The following SMG6 variants were observed in gnomAD, a reference collection of about 807,000 sequenced individuals.
SMG6 encodes the protein SMG6 nonsense mediated mRNA decay factor.
A neutral mutation model predicts 142.2 loss-of-function variants in SMG6; 66 were observed. The observed-to-expected ratio is 0.46, with a 90% CI of 0.38 to 0.57. The LOEUF (loss-of-function observed/expected upper bound fraction) is 0.57. Ranked by LOEUF, SMG6 falls within the 20% of genes least tolerant of loss-of-function variation. The pLI is 0.00. For synonymous variants in SMG6, 779 were observed against 702.4 expected, an observed-to-expected ratio of 1.11 and a Z score of -1.72; for missense variants, 1,793 against 1,832.0, an observed-to-expected ratio of 0.98 and a Z score of 0.39.
At chr17:2,233,123 C>A (rs1035275053) in intron 10 of SMG6, 1 of 152,294 alleles carries the variant, frequency 6.6e-6, no homozygotes, top group Admixed American at 6.5e-5. Context: ...GCAAAGGACA[C>A]ACTTTTAGAG....
intron 11 of SMG6, among the ~76,000 whole-genome samples, chr17:2,187,891 A>G (rs2072040410): frequency 6.6e-6 from 1 of 152,114 alleles, no homozygotes; most frequent in Admixed American, 6.5e-5. Context: ...TACTGCTACA[A>G]CAATCTGGCT....
In SMG6 at chr17:2,061,767, C is replaced by T. The variant is rs554823794; in HGVS notation, c.4130-145G>A. On this transcript the variant is annotated intron_variant, in intron 18 of 18. Coordinates refer to ENST00000263073, the MANE Select transcript of SMG6 (RefSeq NM_017575.5). Reference sequence around the variant, plus strand: ...TCTTCTACCAGTCCTTTCCTCCGTCCGGGCTCTCAGCCCCGGGGACCCTCC... The same window carrying T: ...TCTTCTACCAGTCCTTTCCTCCGTCTGGGCTCTCAGCCCCGGGGACCCTCC... 1.4e-3 allele frequency: 1,328 copies of T among 961,916 alleles called. 5 individuals are homozygous for T. Among genetic ancestry groups the T allele is most frequent in the Non-Finnish European group, 1.9e-3 (1,216 of 651,860 alleles). The allele number at this position is 961,916 out of a possible 1,614,324, so 59.6% of individuals were successfully genotyped here.
intron 13 of SMG6, among the ~76,000 whole-genome samples, chr17:2,128,904 G>A (rs543141813): frequency 1.3e-5 from 2 of 151,550 alleles, no homozygotes; most frequent in Non-Finnish European, 2.9e-5. Context: ...AAAGAAAATG[G>A]CATGCAAGCA....
intron 13 of SMG6, among the ~76,000 whole-genome samples, chr17:2,130,938 G>A (rs765313549): frequency 6.6e-6 from 1 of 152,040 alleles, no homozygotes; most frequent in Non-Finnish European, 1.5e-5. Flanking sequence ...AGGAGGAAGA[G>A]GTTGCAGTGA....
intron 8 of SMG6, among the ~76,000 whole-genome samples, chr17:2,272,649 G>A (rs926300245): frequency 1.3e-5 from 2 of 152,106 alleles, no homozygotes; most frequent in Non-Finnish European, 2.9e-5. Flanking sequence ...ATACTTAGAA[G>A]TGTCCTTGGC....
At chr17:2,073,737 A>G (rs941926281) in intron 15 of SMG6, among the ~76,000 whole-genome samples, 6 of 147,762 alleles carry the variant, frequency 4.1e-5, no homozygotes, top group African/African-American at 1.5e-4. Context: ...AAAGAGACAG[A>G]GTCTCATCCA....
At chr17:2,217,926 C>T (rs1479943907) in intron 10 of SMG6, among the ~76,000 whole-genome samples, 1 of 152,054 alleles carries the variant, frequency 6.6e-6, no homozygotes, top group East Asian at 1.9e-4. Context: ...AGGAGAATCG[C>T]TTGAACCCGG....
rs1045149808 is a variant in SMG6, at chr17:2,071,103, G to A, written c.3682-2172C>T. Among the ~76,000 whole-genome samples, 9 of 152,176 alleles carry A rather than the reference G, an allele frequency of 5.9e-5. No individual in the cohort carries two copies. Among genetic ancestry groups the A allele is most frequent in the Admixed American group, 2.0e-4 (3 of 15,280 alleles). On this transcript the variant is annotated intron_variant, in intron 15 of 18. Coordinates refer to ENST00000263073, the MANE Select transcript of SMG6 (RefSeq NM_017575.5). This position sits in a 1 kb window ranked among gnomAD's most constrained non-coding sequence, Gnocchi z 5.6. Reference sequence around the variant, plus strand: ...CAGAACAAGCATGGCTTAGGGAGACGTGGGAGCAGTGGCAGCTGGAGTGAC... The same window carrying A: ...CAGAACAAGCATGGCTTAGGGAGACATGGGAGCAGTGGCAGCTGGAGTGAC...
At chr17:2,244,824 T>C in intron 8 of SMG6, 105 bp from the exon 9 acceptor site, 1 of 931,602 alleles carries the variant, frequency 1.1e-6, no homozygotes, top group Non-Finnish European at 1.7e-6. Flanking sequence ...GTCTAAGGGG[T>C]GGGCACTAGG....
At chr17:2,292,180 A>T (rs1234897893) in intron 6 of SMG6, among the ~76,000 whole-genome samples, 1 of 152,230 alleles carries the variant, frequency 6.6e-6, no homozygotes, top group Non-Finnish European at 1.5e-5. Flanking sequence ...TGAAAACTTT[A>T]AGGGAGAGAA....
In SMG6 at chr17:2,180,491, T is replaced by C. The variant is rs112740710; in HGVS notation, c.3155+6172A>G. Among the ~76,000 whole-genome samples, 159 of 152,264 alleles carry C rather than the reference T, an allele frequency of 1.0e-3. 1 individual carries two copies. The highest frequency in any genetic ancestry group is 3.6e-3 in the African/African-American group (149 of 41,548). ...GTGCCACAGCGAGGGAAGGCACACA[T>C]GCCCACATGCCCAGCAATCCTGCCC... is the stretch of plus-strand genomic sequence containing the variant. On this transcript the variant is annotated intron_variant, in intron 12 of 18. Coordinates refer to ENST00000263073, the MANE Select transcript of SMG6 (RefSeq NM_017575.5).
chr17:2,076,307 G>A (rs951089049), intron 15 of SMG6, among the ~76,000 whole-genome samples: 1 of 152,088 alleles, frequency 6.6e-6, no homozygotes, highest in Non-Finnish European at 1.5e-5. Flanking sequence ...TAATTCACTC[G>A]ATGCTCCTTT....
chr17:2,159,908 T>TA (rs1437668404), intron 13 of SMG6, among the ~76,000 whole-genome samples: 1 of 151,984 alleles, frequency 6.6e-6, no homozygotes, highest in Non-Finnish European at 1.5e-5. Flanking sequence ...AACAAAGACA[T>TA]AAGAGTATAT....
At chr17:2,269,149 G>A (rs982146715) in intron 8 of SMG6, among the ~76,000 whole-genome samples, 2 of 151,036 alleles carry the variant, frequency 1.3e-5, no homozygotes, top group Non-Finnish European at 2.9e-5. Context: ...GAACCTGGGA[G>A]GCGGAGCTTG....
chr17:2,111,404 C>T (rs2069312990), intron 13 of SMG6, among the ~76,000 whole-genome samples: 1 of 152,136 alleles, frequency 6.6e-6, no homozygotes, highest in Non-Finnish European at 1.5e-5. Flanking sequence ...GAGGTCCTTT[C>T]TTATCTCGCT....
intron 13 of SMG6, among the ~76,000 whole-genome samples, chr17:2,141,846 G>A (rs558495256): frequency 6.6e-6 from 1 of 152,304 alleles, no homozygotes; most frequent in East Asian, 1.9e-4. Flanking sequence ...TTTTTCATTA[G>A]ATAAGAGACT....
intron 4 of SMG6, among the ~76,000 whole-genome samples, chr17:2,297,009 TG>T (rs2075155744): frequency 1.5e-5 from 1 of 65,812 alleles, no homozygotes. Context: ...TCTCAAAAAA[TG>T]AAAAAAAAAA....
rs1597745076 is a variant in SMG6, at chr17:2,267,467, G to C, written c.2661+15180C>G. Among the ~76,000 whole-genome samples, 4 of 151,976 alleles carry C rather than the reference G, an allele frequency of 2.6e-5. No homozygotes were observed. The South Asian group carries it at 6.2e-4, about 24-fold the overall frequency. ...CCTGCCTCAGCCTCCCAATGTGCCG[G>C]GATTATACCGGCGTTGAGTCACTGT... On this transcript the variant is annotated intron_variant, in intron 8 of 18. Transcript: ENST00000263073.
intron 8 of SMG6, among the ~76,000 whole-genome samples, chr17:2,276,060 T>C (rs2074641196): frequency 2.0e-5 from 3 of 152,256 alleles, no homozygotes; most frequent in African/African-American, 7.2e-5. Context: ...TTAGAAATTC[T>C]CTAGGAGTTG....
Sources: gnomAD v4.1 joint callset for allele counts (sites outside exome capture counted in the v4.1 genomes callset) on GRCh38, gnomAD v4.1.1 for gene constraint, Gnocchi (gnomAD v3.1) non-coding constraint, MANE v1.5 for transcripts, NCBI Gene and HGNC (gene_info 2026-07-23, HGNC 2026-07-21) for gene names.